GRIP2: variants seen among roughly 807,000 people sequenced by gnomAD.
GRIP2 encodes glutamate receptor-interacting protein 2.
A neutral mutation model predicts 108.3 loss-of-function variants in GRIP2; 58 were observed. The ratio of observed to expected loss-of-function variants is 0.54; its 90% confidence interval spans 0.43 to 0.67. The LOEUF (loss-of-function observed/expected upper bound fraction) is 0.67, where lower values mean the gene tolerates loss of function less well. Ranked by LOEUF, GRIP2 falls within the 30% of genes least tolerant of loss-of-function variation. GRIP2 has a pLI of 0.00. For synonymous variants in GRIP2, 586 were observed against 598.2 expected, an observed-to-expected ratio of 0.98 and a Z score of 0.30; for missense variants, 1,278 against 1,430.6, an observed-to-expected ratio of 0.89 and a Z score of 1.72.
At chr3:14,581,320 G>C in the GRIP2 span, among the ~76,000 whole-genome samples, 1 of 152,118 alleles carries the variant, frequency 6.6e-6, no homozygotes, top group East Asian at 1.9e-4. Context: ...TTTTGCTCTG[G>C]GGAGACCCCC....
rs1000956546 is a variant in GRIP2 at position 14,514,344 on chromosome 3, G to C, written c.1441C>G (p.Leu481Val). Residue 481 changes from leucine (L) to valine (V), a missense_variant, in exon 12 of 24, where the codon CTG becomes GTG. By Grantham distance (32) the Leu-to-Val change is conservative (BLOSUM62 1). Transcript: ENST00000621039. The part of the protein sequence containing the change: ...LQGGIFATET[L>V]SSPPLVCFIE... Reference sequence around the variant, plus strand: ...AAGCACACGAGGGGTGGGGAGGACAGGGTCTCGGTGGCGAAGATGCCGCCC... The same window carrying C: ...AAGCACACGAGGGGTGGGGAGGACACGGTCTCGGTGGCGAAGATGCCGCCC... 1 of 1,577,744 alleles carries C rather than the reference G, an allele frequency of 6.3e-7. No individual in the cohort carries two copies. The highest frequency in any genetic ancestry group is 8.6e-7 in the Non-Finnish European group (1 of 1,162,916).
chr3:14,506,818 C>A lies in GRIP2; in HGVS notation c.2381G>T (p.Gly794Val). ...VESWDSSATEGGFGGPGSYTP... is the reference protein window; with the variant it reads ...VESWDSSATEVGFGGPGSYTP... The stretch of plus-strand genomic sequence containing the variant: ...GGTATTACCTGGGCCCCCAAAGCCA[C>A]CCTCGGTGGCCGAGCTGTCCCAAGA... Residue 794 changes from glycine (G) to valine (V), a missense_variant, in exon 19 of 24, where the codon GGT becomes GTT. Coordinates refer to ENST00000621039, the MANE Select transcript of GRIP2 (RefSeq NM_001080423.4). 6.2e-7 allele frequency: 1 copy of A among 1,601,488 alleles called. No individual in the cohort carries two copies. The highest frequency in any genetic ancestry group is 8.5e-7 in the Non-Finnish European group (1 of 1,174,114).
intron 1 of GRIP2, among the ~76,000 whole-genome samples, chr3:14,526,416 T>C (rs1400839692): frequency 1.3e-5 from 2 of 152,282 alleles, no homozygotes; most frequent in South Asian, 2.1e-4. Flanking sequence ...CAGCAGCTCA[T>C]GTGAGACAGC....
intron 1 of GRIP2, among the ~76,000 whole-genome samples, chr3:14,554,788 A>C (rs553941142): frequency 1.3e-5 from 2 of 152,246 alleles, no homozygotes; most frequent in East Asian, 3.9e-4. Flanking sequence ...AAGTTACTTA[A>C]CCGCTCTGTG....
intron 1 of GRIP2, among the ~76,000 whole-genome samples, chr3:14,539,094 A>G (rs1395180603): frequency 6.6e-6 from 1 of 152,254 alleles, no homozygotes; most frequent in Non-Finnish European, 1.5e-5. Context: ...ATCGGGTCAA[A>G]TCCCAGCTTT....
chr3:14,584,199 C>A, the GRIP2 span, among the ~76,000 whole-genome samples: 2 of 152,190 alleles, frequency 1.3e-5, no homozygotes, highest in African/African-American at 4.8e-5. Context: ...AAAGGCTGGA[C>A]CAGGAGGTGA....
chr3:14,573,687 G>A, the GRIP2 span: 3 of 1,440,434 alleles, frequency 2.1e-6, no homozygotes, highest in Non-Finnish European at 2.9e-6. Context: ...GTTGTTTCTG[G>A]TGCAGATCGG....
intron 9 of GRIP2, among the ~76,000 whole-genome samples, chr3:14,518,720 C>T (rs974886837): frequency 3.3e-5 from 5 of 152,214 alleles, no homozygotes; most frequent in African/African-American, 1.2e-4. Flanking sequence ...TCCACAGCCC[C>T]CCTCCCCAGG....
At chr3:14,594,957 C>T in the GRIP2 span, among the ~76,000 whole-genome samples, 8 of 152,210 alleles carry the variant, frequency 5.3e-5, no homozygotes, top group South Asian at 6.2e-4. Context: ...AGCACAGTGG[C>T]GCAATCACAG....
intron 1 of GRIP2, among the ~76,000 whole-genome samples, chr3:14,554,016 C>T (rs1430927054): frequency 6.6e-6 from 1 of 152,086 alleles, no homozygotes; most frequent in African/African-American, 2.4e-5. Flanking sequence ...GATGTGACTG[C>T]CCTGGGGACA....
Position 14,512,685 on chromosome 3 carries a change from G to A in GRIP2, c.1720+92C>T, listed in dbSNP as rs912167121. ...TTCCTCGGGCCCCGCAGGGTGTCAC[G>A]CCATGGAAATGCTGGTCTGAGCTTG... On this transcript the variant is annotated intron_variant, in intron 14 of 23. Transcript: ENST00000621039. The surrounding 1 kb of genome is among the most constrained non-coding windows in gnomAD (Gnocchi z 5.1). 6.3e-6 allele frequency: 8 copies of A among 1,261,794 alleles called. No homozygotes were observed. The highest frequency in any genetic ancestry group is 2.4e-5 in the East Asian group (1 of 41,570). 78.2% of individuals were successfully genotyped at this position (1,261,794 alleles called of 1,614,324 possible).
the GRIP2 span, among the ~76,000 whole-genome samples, chr3:14,598,496 C>T: frequency 6.7e-6 from 1 of 149,368 alleles, no homozygotes; most frequent in African/African-American, 2.4e-5. Context: ...CGTTGACAGC[C>T]TTTTATCTCC....
chr3:14,557,900 C>T (rs577537883), upstream of GRIP2, among the ~76,000 whole-genome samples: 18 of 152,320 alleles, frequency 1.2e-4, no homozygotes, highest in South Asian at 1.7e-3. Context: ...CAGTTCCTGC[C>T]TCTAGTATGG....
intron 1 of GRIP2, among the ~76,000 whole-genome samples, chr3:14,532,020 C>A (rs1046552257): frequency 3.3e-5 from 5 of 152,216 alleles, no homozygotes; most frequent in Admixed American, 2.0e-4. Context: ...ACCACCCCAA[C>A]CTCTGCGGCT....
the GRIP2 span, among the ~76,000 whole-genome samples, chr3:14,596,781 T>A: frequency 6.6e-6 from 1 of 152,016 alleles, no homozygotes; most frequent in Admixed American, 6.5e-5. Flanking sequence ...TTTTTTTTTT[T>A]TAAGGCTGGA....
the GRIP2 span, among the ~76,000 whole-genome samples, chr3:14,595,365 T>C: frequency 1.7e-4 from 26 of 152,092 alleles, no homozygotes. Context: ...CACACTCTCA[T>C]CAGTGCAGCC....
chr3:14,502,527 C>A, intron 21 of GRIP2, among the ~76,000 whole-genome samples: 1 of 150,262 alleles, frequency 6.7e-6, no homozygotes. Context: ...GAGAAAATAA[C>A]CAAATTGGAA....
At chr3:14,587,314 A>G in the GRIP2 span, among the ~76,000 whole-genome samples, 2 of 152,176 alleles carry the variant, frequency 1.3e-5, no homozygotes, top group Non-Finnish European at 2.9e-5. Context: ...AAAAGGAGGA[A>G]CCATGAAACT....
chr3:14,544,665 C>T (rs937582472), upstream of GRIP2, among the ~76,000 whole-genome samples: 1 of 152,206 alleles, frequency 6.6e-6, no homozygotes, highest in Admixed American at 6.5e-5. Flanking sequence ...CTGTCCGTTG[C>T]TTCTTCCTCC....
Sources: gnomAD v4.1 joint callset for allele counts (sites outside exome capture counted in the v4.1 genomes callset) on GRCh38, gnomAD v4.1.1 for gene constraint, Gnocchi (gnomAD v3.1) non-coding constraint, MANE v1.5 for transcripts, NCBI Gene and HGNC (gene_info 2026-07-23, HGNC 2026-07-21) for gene names.